Variants in PDZRN3 observed in about 807,000 individuals in gnomAD.
The protein encoded by PDZRN3 is E3 ubiquitin-protein ligase PDZRN3.
In PDZRN3, 38 loss-of-function variants were observed where a neutral mutation model predicts 85.7. That is an observed-to-expected ratio of 0.44 (90% confidence interval 0.34 to 0.58). The LOEUF (loss-of-function observed/expected upper bound fraction) is 0.58, where lower values mean the gene tolerates loss of function less well. PDZRN3 is among the 20% of genes least tolerant of loss of function. PDZRN3 has a pLI of 0.01. For synonymous variants in PDZRN3, 759 were observed against 638.0 expected (o/e 1.19, Z -2.86); for missense variants, 1,629 against 1,506.4 (o/e 1.08, Z -1.35).
chr3:73,385,453 AAT>A (rs1339294617), intron 9 of PDZRN3, among the ~76,000 whole-genome samples: 3 of 152,216 alleles, frequency 2.0e-5, no homozygotes. Flanking sequence ...TTGCTTTGGC[AAT>A]GTTGCTTAGA....
In PDZRN3 at chr3:73,404,365, G is replaced by C. The variant is rs1265082187; in HGVS notation, c.949C>G (p.His317Asp). Residue 317 changes from histidine (H) to aspartate (D), a missense_variant, in exon 4 of 10, where the codon CAT becomes GAT. Coordinates refer to ENST00000263666, the MANE Select transcript of PDZRN3 (RefSeq NM_015009.3). Reference sequence around the variant, plus strand: ...TTGAAAGCTTCCACAGCCTGGTCATGAGTTGCTCTGGATAAGTCTCTGCCG... The same window carrying C: ...TTGAAAGCTTCCACAGCCTGGTCATCAGTTGCTCTGGATAAGTCTCTGCCG... ...VNGRDLSRAT[H>D]DQAVEAFKTA... is the part of the protein sequence containing the mutation. 6.2e-7 allele frequency: 1 copy of C among 1,614,134 alleles called. No homozygotes were observed. Among genetic ancestry groups the C allele is most frequent in the Admixed American group, 1.7e-5 (1 of 60,018 alleles).
chr3:73,595,721 TTTAAAAAGGATTCCTCTAGGAA>T (rs1173898945), intron 3 of PDZRN3, among the ~76,000 whole-genome samples: 1 of 152,138 alleles, frequency 6.6e-6, no homozygotes, highest in Non-Finnish European at 1.5e-5. Context: ...GGATCAGTAT[TTTAAAAAGGATTCCTCTAGGAA>T]TTACAAACTG....
intron 3 of PDZRN3, among the ~76,000 whole-genome samples, chr3:73,442,931 G>A (rs2106824965): frequency 6.6e-6 from 1 of 152,226 alleles, no homozygotes; most frequent in Non-Finnish European, 1.5e-5. Flanking sequence ...TAAAACAGAA[G>A]AGCCTTGGTA....
intron 3 of PDZRN3, among the ~76,000 whole-genome samples, chr3:73,461,648 T>A (rs919344772): frequency 6.6e-6 from 1 of 152,256 alleles, no homozygotes; most frequent in African/African-American, 2.4e-5. Context: ...TTAGTGACTT[T>A]TTCTTTTAAA....
chr3:73,497,412 A>T (rs575061543), intron 3 of PDZRN3, among the ~76,000 whole-genome samples: 44 of 152,046 alleles, frequency 2.9e-4, no homozygotes, highest in South Asian at 6.2e-4. Flanking sequence ...CTTTAAAAAA[A>T]TTTTTTTAAC....
intron 2 of PDZRN3, among the ~76,000 whole-genome samples, chr3:73,605,218 A>T (rs1325342527): frequency 6.6e-6 from 1 of 152,032 alleles, no homozygotes; most frequent in African/African-American, 2.4e-5. Flanking sequence ...AAAAAAAAAA[A>T]AAAAGCTAGA....
chr3:73,569,465 G>T lies in PDZRN3; in HGVS notation c.918+32889C>A. On this transcript the variant is annotated intron_variant, in intron 3 of 9. Coordinates refer to ENST00000263666, the MANE Select transcript of PDZRN3 (RefSeq NM_015009.3). ...TCTTAAGCCCCGAGGCGTCTACACT[G>T]ACAATTTCCACTGCACAGAATGCCT... The T allele has an allele frequency of 2.7e-6, 3 of 1,115,762 alleles. No homozygotes were observed. In the South Asian group the frequency reaches 6.5e-5, roughly 24 times the overall value. The allele number at this position is 1,115,762 out of a possible 1,614,324, so 69.1% of individuals were successfully genotyped here.
intron 3 of PDZRN3, among the ~76,000 whole-genome samples, chr3:73,542,495 C>T (rs1026903021): frequency 3.9e-5 from 6 of 152,164 alleles, no homozygotes; most frequent in East Asian, 1.9e-4. Context: ...TCTTGCTGGC[C>T]GGGTGTGGTG....
intron 3 of PDZRN3, among the ~76,000 whole-genome samples, chr3:73,417,570 C>T (rs1202916213): frequency 6.6e-6 from 1 of 152,174 alleles, no homozygotes; most frequent in Non-Finnish European, 1.5e-5. Context: ...TATTGCTCAA[C>T]TTGGTGAAAT....
intron 3 of PDZRN3, among the ~76,000 whole-genome samples, chr3:73,584,867 A>G (rs945119204): frequency 2.0e-5 from 3 of 152,100 alleles, no homozygotes; most frequent in African/African-American, 7.2e-5. Context: ...TGTAATTGGG[A>G]TATCACCCAC....
intron 3 of PDZRN3, among the ~76,000 whole-genome samples, chr3:73,410,523 T>A (rs528751625): frequency 6.6e-6 from 1 of 152,216 alleles, no homozygotes; most frequent in Non-Finnish European, 1.5e-5. Flanking sequence ...TTGGTATTTT[T>A]ACAACCATCA....
intron 3 of PDZRN3, among the ~76,000 whole-genome samples, chr3:73,560,773 G>A (rs60328718): frequency 0.024 from 3,652 of 152,290 alleles, 96 homozygotes; most frequent in African/African-American, 0.062. Context: ...AGCCATGGCT[G>A]AGCCTCATTC....
At chr3:73,421,584 A>ACTTCCACTT (rs994871860) in intron 3 of PDZRN3, among the ~76,000 whole-genome samples, 1 of 152,208 alleles carries the variant, frequency 6.6e-6, no homozygotes, top group Non-Finnish European at 1.5e-5. Flanking sequence ...AACAGGATGA[A>ACTTCCACTT]CTTCCACTTG....
intron 3 of PDZRN3, among the ~76,000 whole-genome samples, chr3:73,512,412 C>G (rs28458469): frequency 6.6e-6 from 1 of 152,190 alleles, no homozygotes; most frequent in African/African-American, 2.4e-5. Flanking sequence ...AAAACGTACA[C>G]GCTACTAGGC....
In PDZRN3 at chr3:73,404,139, G is replaced by T; in HGVS notation, c.1166+9C>A. 1.9e-6 allele frequency: 3 copies of T among 1,612,162 alleles called. No individual in the cohort carries two copies. The highest frequency in any genetic ancestry group is 2.5e-6 in the Non-Finnish European group (3 of 1,178,664). On this transcript the variant is annotated intron_variant, in intron 4 of 9. Transcript: ENST00000263666. ...TAATGCATTAGGGGTTCAAGATTAG[G>T]TTACTTACTCCTCTGGCAAGAGATA...
chr3:73,608,072 C>T (rs1040931581), intron 2 of PDZRN3, among the ~76,000 whole-genome samples: 4 of 152,142 alleles, frequency 2.6e-5, no homozygotes, highest in Non-Finnish European at 5.9e-5. Flanking sequence ...TGAATTCGGC[C>T]TCTTCTTTCT....
intron 3 of PDZRN3, among the ~76,000 whole-genome samples, chr3:73,518,810 G>A (rs1382815994): frequency 6.6e-6 from 1 of 152,078 alleles, no homozygotes; most frequent in African/African-American, 2.4e-5. Flanking sequence ...CATTCATGAA[G>A]GCAGAGGTGT....
At chr3:73,593,534 AG>A (rs374492802) in intron 3 of PDZRN3, among the ~76,000 whole-genome samples, 54 of 152,300 alleles carry the variant, frequency 3.5e-4, no homozygotes, top group African/African-American at 1.3e-3. Context: ...AGCAGGAGAC[AG>A]ATGCCTCTGC....
At chr3:73,551,534 T>C (rs1445045391) in intron 3 of PDZRN3, among the ~76,000 whole-genome samples, 1 of 151,768 alleles carries the variant, frequency 6.6e-6, no homozygotes, top group East Asian at 1.9e-4. Context: ...AATAAAAAAA[T>C]TAGCTGGGCA....
Sources: gnomAD v4.1 joint callset for allele counts (sites outside exome capture counted in the v4.1 genomes callset) on GRCh38, gnomAD v4.1.1 for gene constraint, MANE v1.5 for transcripts, NCBI Gene and HGNC (gene_info 2026-07-23, HGNC 2026-07-21) for gene names.